COL15A1: variants seen among roughly 807,000 people sequenced by gnomAD.
COL15A1 encodes the protein collagen type XV alpha 1 chain.
Under a neutral mutation model 165.9 loss-of-function variants are expected in COL15A1, and 111 were observed. The observed-to-expected ratio is 0.67, with a 90% CI of 0.57 to 0.78. The LOEUF is 0.78. COL15A1 is among the 30% of genes least tolerant of loss of function. The pLI is 0.00. For missense variants in COL15A1, 1,745 were observed against 1,789.7 expected (o/e 0.98, Z 0.45); for synonymous variants, 659 against 674.8 (o/e 0.98, Z 0.36).
intron 5 of COL15A1, among the ~76,000 whole-genome samples, chr9:98,992,474 G>A (rs929573433): frequency 6.6e-6 from 1 of 152,176 alleles, no homozygotes; most frequent in African/African-American, 2.4e-5. Flanking sequence ...CCTGGTTCCT[G>A]CCCACACGTC....
intron 31 of COL15A1, 106 bp downstream of exon 31, chr9:99,052,539 A>T: frequency 1.1e-6 from 1 of 912,550 alleles, no homozygotes; most frequent in Non-Finnish European, 1.8e-6. Flanking sequence ...AGGAAGGTCT[A>T]ACTGGATGCT....
chr9:99,050,163 A>G (rs1839562936), intron 30 of COL15A1, among the ~76,000 whole-genome samples: 1 of 152,236 alleles, frequency 6.6e-6, no homozygotes, highest in Non-Finnish European at 1.5e-5. Context: ...TTGCGACCAC[A>G]TTAGCTTCAT....
At chr9:99,015,053 C>A (rs1838905430) in intron 9 of COL15A1, among the ~76,000 whole-genome samples, 1 of 152,054 alleles carries the variant, frequency 6.6e-6, no homozygotes, top group African/African-American at 2.4e-5. Context: ...TAGTAGCTAT[C>A]TTTTTAAGGG....
At chr9:98,970,765 GAGT>G (rs778233467) in intron 2 of COL15A1, among the ~76,000 whole-genome samples, 2 of 152,148 alleles carry the variant, frequency 1.3e-5, no homozygotes, top group African/African-American at 2.4e-5. Context: ...GTGAGTGTGT[GAGT>G]AGGTAAGTGT....
chr9:99,066,806 C>A, intron 39 of COL15A1, 76 bp from the exon 40 acceptor site: 1 of 1,350,904 alleles, frequency 7.4e-7, no homozygotes. Flanking sequence ...GGAATCTTTG[C>A]AGGAATGTGA....
rs767277516 is a variant in COL15A1 at position 99,066,982 on chromosome 9, G to A, written c.3752G>A (p.Arg1251Gln). The A allele has an allele frequency of 3.7e-6, 6 of 1,613,972 alleles. No homozygotes were observed. The highest frequency in any genetic ancestry group is 2.2e-5 in the East Asian group (1 of 44,888). The stretch of plus-strand genomic sequence containing the variant: ...GCTGCAGGACTGTTGTCCACCTACC[G>A]AGCATTCTTATCTTCCCATTTGCAA... ...ARAAGLLSTY[R>Q]AFLSSHLQDL... is the part of the protein sequence containing the mutation. The change falls in exon 40 of 42, where the codon CGA (arginine) becomes CAA (glutamine). Residue 1251 changes from arginine to glutamine, a missense_variant. Coordinates refer to ENST00000375001, the MANE Select transcript of COL15A1 (RefSeq NM_001855.5).
At chr9:98,999,000 G>T (rs572228288) in intron 6 of COL15A1, among the ~76,000 whole-genome samples, 11 of 152,314 alleles carry the variant, frequency 7.2e-5, no homozygotes, top group Admixed American at 6.5e-4. Flanking sequence ...TCTTCCCAGG[G>T]GTCAGTCCTT....
chr9:99,070,768 T>A lies in COL15A1; in HGVS notation c.*882T>A, dbSNP rs1029981064. 6.5e-6 allele frequency: 2 copies of A among 307,184 alleles called. No individual in the cohort carries two copies. Among genetic ancestry groups the A allele is most frequent in the African/African-American group, 4.6e-5 (2 of 43,844 alleles). 19.0% of individuals were successfully genotyped at this position (307,184 alleles called of 1,614,324 possible). On this transcript the variant is annotated 3_prime_UTR_variant, in exon 42 of 42. Transcript: ENST00000375001. ...CCATGTAAGTGAACATAAAAACATC[T>A]TTTCCGGGTGCTTTCTTCATTTGAC...
chr9:99,011,779 A>G (rs2118978865), intron 9 of COL15A1, among the ~76,000 whole-genome samples: 1 of 152,270 alleles, frequency 6.6e-6, no homozygotes, highest in Non-Finnish European at 1.5e-5. Flanking sequence ...CATTTACCTA[A>G]TTATTTTTAA....
chr9:98,953,572 T>A (rs1174304929), intron 2 of COL15A1, among the ~76,000 whole-genome samples: 3 of 151,970 alleles, frequency 2.0e-5, no homozygotes, highest in Non-Finnish European at 4.4e-5. Flanking sequence ...CCAAATCCAA[T>A]CCACTCCAGT....
chr9:99,020,274 AAGCCCT>A (rs1487465491), intron 11 of COL15A1, 109 bp from the exon 12 acceptor site: 10 of 769,244 alleles, frequency 1.3e-5, no homozygotes, highest in Non-Finnish European at 1.9e-5. Context: ...AGCCCAGTAC[AAGCCCT>A]AGCTCATGCC....
intron 2 of COL15A1, among the ~76,000 whole-genome samples, chr9:98,979,976 G>A (rs996378916): frequency 6.6e-5 from 10 of 152,194 alleles, no homozygotes; most frequent in Admixed American, 5.9e-4. Flanking sequence ...AGGCAATATA[G>A]CGAGACCCTG....
intron 2 of COL15A1, among the ~76,000 whole-genome samples, chr9:98,954,030 C>T (rs1283499840): frequency 2.0e-5 from 3 of 152,186 alleles, no homozygotes. Context: ...CAGTGCCCAT[C>T]CTGGAGGGAC....
intron 5 of COL15A1, among the ~76,000 whole-genome samples, chr9:98,993,033 A>T (rs1055008250): frequency 1.3e-5 from 2 of 152,180 alleles, no homozygotes; most frequent in Non-Finnish European, 2.9e-5. Context: ...CAGTGGTTTT[A>T]TGGGAACTGG....
Position 99,032,567 on chromosome 9 carries a change from CT to C in COL15A1, c.2044-1978del, listed in dbSNP as rs1204322340. On this transcript the variant is annotated intron_variant, in intron 16 of 41. Coordinates refer to ENST00000375001, the MANE Select transcript of COL15A1 (RefSeq NM_001855.5). ...GGACTTTTTTTGGGGGGAGGGGTGC[CT>C]TTTAATCTGGAGACTTCTGTGTTTT... 1.3e-4 allele frequency among the ~76,000 whole-genome samples: 20 copies of C among 152,288 alleles called. No individual in the cohort carries two copies. In the East Asian group the frequency reaches 3.9e-3, roughly 29 times the overall value.
chr9:98,983,090 A>T (rs1838256357), intron 2 of COL15A1, among the ~76,000 whole-genome samples: 1 of 152,198 alleles, frequency 6.6e-6, no homozygotes, highest in Non-Finnish European at 1.5e-5. Context: ...ACCATTTAAC[A>T]ACCAAGTGTC....
At position 99,047,944 on chromosome 9, in the gene COL15A1, C is replaced by T. The variant is rs189617367; in HGVS notation, c.2737C>T (p.Arg913Cys). 51 of 1,608,348 alleles carry T rather than the reference C, an allele frequency of 3.2e-5. No individual in the cohort carries two copies. The highest frequency in any genetic ancestry group is 6.7e-5 in the African/African-American group (5 of 74,774). The change falls in exon 28 of 42, where the codon CGC (arginine) becomes TGC (cysteine). Residue 913 changes from arginine to cysteine, a missense_variant. Transcript: ENST00000375001. ...GEFGLPGRPG[R>C]PGLNGLKGTK... ...AGGTGTCTGCTGTGGGTTCCAGGGT[C>T]GCCCAGGACTGAATGGCCTCAAGGG...
Position 99,036,179 on chromosome 9 carries a change from G to A in COL15A1, c.2299G>A (p.Gly767Arg). The A allele has an allele frequency of 1.9e-6, 3 of 1,612,610 alleles. No individual in the cohort carries two copies. In the South Asian group the frequency reaches 3.3e-5, roughly 18 times the overall value. ...TTGTTTATTTTTCCAGGGTCTCAAA[G>A]GAGAGAAAGGAGACCGGGGACCCAA... is the stretch of plus-strand genomic sequence containing the variant. ...SRPTAAIGLK[G>R]EKGDRGPKGE... Residue 767 changes from glycine to arginine, a missense_variant, in exon 20 of 42, where the codon GGA becomes AGA. Coordinates refer to ENST00000375001, the MANE Select transcript of COL15A1 (RefSeq NM_001855.5).
intron 9 of COL15A1, 61 bp from the exon 10 acceptor site, chr9:99,015,356 C>T (rs1838911417): frequency 1.7e-6 from 2 of 1,196,072 alleles, no homozygotes; most frequent in Admixed American, 1.7e-5. Flanking sequence ...CCCAGCCTCA[C>T]ACCCACTGAA....
Sources: allele counts gnomAD v4.1 joint callset (sites outside exome capture counted in the v4.1 genomes callset), GRCh38; gene constraint gnomAD v4.1.1; transcripts MANE v1.5; gene names NCBI Gene and HGNC (gene_info 2026-07-23, HGNC 2026-07-21).